The following ELFN1 variants were observed in gnomAD, a reference collection of about 807,000 sequenced individuals.
The protein encoded by ELFN1 is extracellular leucine rich repeat and fibronectin type III domain containing 1.
ELFN1 carries 6 observed loss-of-function variants against 7.6 expected under a neutral mutation model. That is an observed-to-expected ratio of 0.79 (90% CI 0.43 to 1.56). The LOEUF (loss-of-function observed/expected upper bound fraction) is 1.56, where lower values mean the gene tolerates loss of function less well. ELFN1 is among the 40% of genes most tolerant of loss of function. ELFN1 has a pLI of 0.01. For synonymous variants in ELFN1, 657 were observed against 588.1 expected (o/e 1.12, Z -1.70); for missense variants, 1,169 against 1,232.2 (o/e 0.95, Z 0.77).
At chr7:1,722,216 T>C (rs1390967256) in intron 3 of ELFN1, among the ~76,000 whole-genome samples, 2 of 152,030 alleles carry the variant, frequency 1.3e-5, no homozygotes, top group South Asian at 2.1e-4. Flanking sequence ...GAAGCCTCTT[T>C]TTCTAAAGTT....
chr7:1,707,225 C>T (rs556009586), intron 2 of ELFN1, among the ~76,000 whole-genome samples: 184 of 152,380 alleles, frequency 1.2e-3, no homozygotes, highest in Admixed American at 4.1e-3. Flanking sequence ...CTGGCTGTTC[C>T]GCTTTTGGAT....
intron 1 of ELFN1, among the ~76,000 whole-genome samples, chr7:1,687,455 A>G (rs932791560): frequency 2.6e-5 from 4 of 152,078 alleles, no homozygotes; most frequent in African/African-American, 9.7e-5. Context: ...AATAAAAATG[A>G]TACTTGTATC....
chr7:1,673,264 G>C lies in ELFN1; in HGVS notation c.-549+2910G>C, dbSNP rs1466381652. On this transcript the variant is annotated intron_variant, in intron 1 of 3. Coordinates refer to ENST00000424383, the MANE Select transcript of ELFN1 (RefSeq NM_001128636.4). This position sits in a 1 kb window ranked among gnomAD's most constrained non-coding sequence, Gnocchi z 4.7. Reference sequence around the variant, plus strand: ...TGTACAGATGGGGAGACTGAGGCCCGGATTGGGGTGGGGCCGGAGAGGGTG... The same window carrying C: ...TGTACAGATGGGGAGACTGAGGCCCCGATTGGGGTGGGGCCGGAGAGGGTG... Among the ~76,000 whole-genome samples, 2 of 152,182 alleles carry C rather than the reference G, an allele frequency of 1.3e-5. No homozygotes were observed. Among genetic ancestry groups the C allele is most frequent in the Admixed American group, 6.5e-5 (1 of 15,286 alleles).
At chr7:1,696,883 C>T (rs1412318911) in intron 2 of ELFN1, among the ~76,000 whole-genome samples, 1 of 152,282 alleles carries the variant, frequency 6.6e-6, no homozygotes, top group Non-Finnish European at 1.5e-5. Context: ...GCTGAGGGTC[C>T]GGTGGGATGA....
At chr7:1,723,262 G>A (rs536139470) in intron 3 of ELFN1, among the ~76,000 whole-genome samples, 3 of 152,326 alleles carry the variant, frequency 2.0e-5, no homozygotes, top group African/African-American at 7.2e-5. Flanking sequence ...TTCAGCACGC[G>A]GTTCAGTGGT....
At chr7:1,736,802 C>G (rs1245528897) in intron 3 of ELFN1, among the ~76,000 whole-genome samples, 3 of 152,182 alleles carry the variant, frequency 2.0e-5, no homozygotes, top group South Asian at 4.1e-4. Flanking sequence ...GCCCGGATGC[C>G]TGGCCTCTCC....
At chr7:1,707,683 C>T (rs1288830247) in intron 2 of ELFN1, among the ~76,000 whole-genome samples, 2 of 152,246 alleles carry the variant, frequency 1.3e-5, no homozygotes, top group East Asian at 1.9e-4. Flanking sequence ...TATTCAAATA[C>T]ACACCATTAT....
chr7:1,721,699 G>A (rs1470542853), intron 3 of ELFN1, among the ~76,000 whole-genome samples: 2 of 152,206 alleles, frequency 1.3e-5, no homozygotes, highest in African/African-American at 4.8e-5. Flanking sequence ...TGTCAGGGTC[G>A]AGGAGGGTGT....
At chr7:1,715,207 C>T (rs1779792516) in intron 3 of ELFN1, among the ~76,000 whole-genome samples, 1 of 152,200 alleles carries the variant, frequency 6.6e-6, no homozygotes, top group Non-Finnish European at 1.5e-5. Flanking sequence ...ATGTCTTATT[C>T]ATTTGCCAAG....
chr7:1,690,385 A>G (rs1472825464), intron 2 of ELFN1, among the ~76,000 whole-genome samples: 2 of 147,744 alleles, frequency 1.4e-5, no homozygotes, highest in African/African-American at 2.5e-5. Flanking sequence ...GGATGAATGG[A>G]TAGGTGAGTG....
intron 2 of ELFN1, chr7:1,694,081 A>T: frequency 3.9e-6 from 1 of 254,554 alleles, no homozygotes; most frequent in South Asian, 5.3e-5. Flanking sequence ...TCCTGGTCTC[A>T]CTTCCTAGAA....
chr7:1,742,833 G>A (rs1780665090), intron 3 of ELFN1, among the ~76,000 whole-genome samples: 1 of 152,130 alleles, frequency 6.6e-6, no homozygotes, highest in Non-Finnish European at 1.5e-5. Flanking sequence ...TCCAAAGGGA[G>A]GAAAAAACCC....
chr7:1,681,750 C>G (rs1446558375), intron 1 of ELFN1, among the ~76,000 whole-genome samples: 1 of 152,240 alleles, frequency 6.6e-6, no homozygotes, highest in African/African-American at 2.4e-5. Flanking sequence ...CTGCGTGTCT[C>G]TCACCACCTG....
At position 1,746,576 on chromosome 7, in the gene ELFN1, C is replaced by G. The variant is rs1028217780; in HGVS notation, c.1980C>G (p.His660Gln). ...RAFRAEAVGV[H>Q]KAAAAEAKYI... ...TCCGAGCCGAGGCCGTCGGGGTGCA[C>G]AAGGCCGCGGCCGCCGAGGCCAAGT... Residue 660 changes from histidine to glutamine, a missense_variant, in exon 4 of 4, where the codon CAC becomes CAG. This residue lies in a region of ELFN1 where 914 missense variants were observed against 872.6 expected (regional missense o/e 1.05). Coordinates refer to ENST00000424383, the MANE Select transcript of ELFN1 (RefSeq NM_001128636.4). 3.9e-5 allele frequency: 52 copies of G among 1,350,546 alleles called. No homozygotes were observed. Among genetic ancestry groups the G allele is most frequent in the South Asian group, 5.2e-5 (3 of 58,210 alleles). The allele number at this position is 1,350,546 out of a possible 1,614,324, so 83.7% of individuals were successfully genotyped here.
intron 3 of ELFN1, among the ~76,000 whole-genome samples, chr7:1,711,140 T>C (rs1779640964): frequency 6.6e-6 from 1 of 152,222 alleles, no homozygotes; most frequent in African/African-American, 2.4e-5. Flanking sequence ...CTCCAAGCCC[T>C]GCTGACCTCA....
chr7:1,700,437 C>G (rs1456287280), intron 2 of ELFN1, among the ~76,000 whole-genome samples: 1 of 152,212 alleles, frequency 6.6e-6, no homozygotes, highest in East Asian at 1.9e-4. Flanking sequence ...CTGAACTTCC[C>G]ATAAATGAAA....
intron 3 of ELFN1, among the ~76,000 whole-genome samples, chr7:1,717,866 C>A (rs566993733): frequency 2.6e-5 from 4 of 152,298 alleles, no homozygotes; most frequent in African/African-American, 7.2e-5. Flanking sequence ...CTCCCTTCCC[C>A]CTATGCGCAG....
intron 1 of ELFN1, among the ~76,000 whole-genome samples, 104 bp from the exon 2 acceptor site, chr7:1,687,954 C>A (rs1406943184): frequency 6.6e-6 from 1 of 151,096 alleles, no homozygotes; most frequent in Non-Finnish European, 1.5e-5. Context: ...TGGTGTCAGA[C>A]TTCCTGCTCA....
chr7:1,714,273 C>T (rs573567940), intron 3 of ELFN1, among the ~76,000 whole-genome samples: 2 of 152,216 alleles, frequency 1.3e-5, no homozygotes, highest in East Asian at 1.9e-4. Context: ...CCCCAGCATG[C>T]GGAGGGGCCA....
Sources: gnomAD v4.1 joint callset for allele counts (sites outside exome capture counted in the v4.1 genomes callset) on GRCh38, gnomAD v4.1.1 for gene constraint, gnomAD v4.1.1 regional missense constraint, Gnocchi (gnomAD v3.1) non-coding constraint, MANE v1.5 for transcripts, NCBI Gene and HGNC (gene_info 2026-07-23, HGNC 2026-07-21) for gene names.